The following SMCHD1 variants were observed in gnomAD, a reference collection of about 807,000 sequenced individuals.
SMCHD1 encodes structural maintenance of chromosomes flexible hinge domain-containing protein 1.
In SMCHD1, 78 loss-of-function variants were observed where a neutral mutation model predicts 254.7. The observed-to-expected ratio is 0.31, with a 90% CI of 0.26 to 0.37. SMCHD1 has a LOEUF of 0.37. Among genes scored for constraint, SMCHD1 ranks in the 10% least tolerant of loss-of-function variants. SMCHD1 has a pLI of 1.00. For missense variants in SMCHD1, 1,840 were observed against 2,408.1 expected, an observed-to-expected ratio of 0.76 and a Z score of 4.94; for synonymous variants, 766 against 794.9, an observed-to-expected ratio of 0.96 and a Z score of 0.61.
At chr18:2,731,610 G>A (rs2075141646) in intron 24 of SMCHD1, among the ~76,000 whole-genome samples, 1 of 152,052 alleles carries the variant, frequency 6.6e-6, no homozygotes, top group African/African-American at 2.4e-5. Context: ...CTGATTTTAT[G>A]GAAAGTTCTT....
chr18:2,680,722 C>T (rs1568123719), intron 5 of SMCHD1, among the ~76,000 whole-genome samples: 1 of 152,226 alleles, frequency 6.6e-6, no homozygotes, highest in Non-Finnish European at 1.5e-5. Flanking sequence ...GCAGACCTCG[C>T]ATTTCCCAGC....
In SMCHD1 at chr18:2,662,667, CAAAAAA is replaced by C. The variant is rs745838636; in HGVS notation, c.187-3472_187-3467del. Among the ~76,000 whole-genome samples the C allele has an allele frequency of 5.4e-3, 193 of 35,688 alleles. 1 individual carries two copies. The highest frequency in any genetic ancestry group is 0.022 in the African/African-American group (179 of 8,138). The allele number at this position is 35,688 out of a possible 152,430, so 23.4% of individuals were successfully genotyped here. On this transcript the variant is annotated intron_variant, in intron 1 of 47. Coordinates refer to ENST00000320876, the MANE Select transcript of SMCHD1 (RefSeq NM_015295.3). ...CTCAACAACAATAACAACAAAAAAC[CAAAAAA>C]AAAAAAAAAAAAAAAAAGGGACATC...
At chr18:2,726,589 G>T in intron 22 of SMCHD1, 65 bp downstream of exon 22, 1 of 789,990 alleles carries the variant, frequency 1.3e-6, no homozygotes. Context: ...ATAATGATAT[G>T]AAGTTAGAGG....
At chr18:2,673,946 G>A in intron 4 of SMCHD1, 69 bp from the exon 5 acceptor site, 3 of 1,443,796 alleles carry the variant, frequency 2.1e-6, no homozygotes, top group Non-Finnish European at 2.8e-6. Flanking sequence ...TTTTTTTCAT[G>A]TTTAACTTTT....
chr18:2,774,100 G>A (rs1342963563), intron 41 of SMCHD1, among the ~76,000 whole-genome samples: 1 of 151,988 alleles, frequency 6.6e-6, no homozygotes, highest in African/African-American at 2.4e-5. Context: ...ATCTCTAAAT[G>A]AGGAAGATGT....
intron 25 of SMCHD1, 44 bp from the exon 26 acceptor site, chr18:2,738,353 T>TTAGA (rs2075288615): frequency 8.4e-6 from 9 of 1,069,862 alleles, no homozygotes; most frequent in Non-Finnish European, 1.1e-5. Flanking sequence ...TAAGAGAACA[T>TTAGA]TAGACGAAGC....
chr18:2,732,513 G>C (rs1374103236), intron 25 of SMCHD1, 21 bp downstream of exon 25: 3 of 1,463,504 alleles, frequency 2.0e-6, no homozygotes, highest in African/African-American at 1.4e-5. Flanking sequence ...CTAACAGATT[G>C]GTTATTTGTA....
chr18:2,723,288 T>A (rs1227410869), intron 20 of SMCHD1, among the ~76,000 whole-genome samples: 1 of 152,168 alleles, frequency 6.6e-6, no homozygotes, highest in Non-Finnish European at 1.5e-5. Flanking sequence ...AGCTTTCTTT[T>A]ACCTCTACAG....
At chr18:2,728,384 T>C in intron 22 of SMCHD1, 73 bp from the exon 23 acceptor site, 1 of 1,398,366 alleles carries the variant, frequency 7.2e-7, no homozygotes. Context: ...ATGTTAAAGT[T>C]ATTTCTTTTG....
At chr18:2,780,238 TAAAAAAAAAAAAAAAAA>T (rs56804553) in intron 44 of SMCHD1, among the ~76,000 whole-genome samples, 36 of 69,362 alleles carry the variant, frequency 5.2e-4, no homozygotes, top group African/African-American at 2.3e-3. Context: ...AGACTCTATC[TAAAAAAAAAAAAAAAAA>T]AAAAAAAAAA....
intron 45 of SMCHD1, among the ~76,000 whole-genome samples, chr18:2,785,670 A>AAAG (rs57180698): frequency 0.12 from 11,348 of 97,294 alleles, 2,594 homozygotes; most frequent in East Asian, 0.38. Flanking sequence ...AAAAAAAAAA[A>AAAG]ACAGTTCATT....
chr18:2,753,846 C>A (rs566145835), intron 34 of SMCHD1, among the ~76,000 whole-genome samples: 1 of 152,118 alleles, frequency 6.6e-6, no homozygotes, highest in Admixed American at 6.5e-5. Context: ...CATGAGCCAC[C>A]GTGCCCGGCC....
At chr18:2,674,328 T>G (rs2073691472) in intron 5 of SMCHD1, among the ~76,000 whole-genome samples, 183 bp downstream of exon 5, 1 of 152,212 alleles carries the variant, frequency 6.6e-6, no homozygotes, top group African/African-American at 2.4e-5. Context: ...TGTAATATTG[T>G]GCCTTTCCAT....
intron 1 of SMCHD1, among the ~76,000 whole-genome samples, chr18:2,661,835 G>A (rs992229069): frequency 2.0e-5 from 3 of 152,262 alleles, no homozygotes; most frequent in African/African-American, 4.8e-5. Context: ...TGCAGTTATC[G>A]TAGAAGAGTA....
At chr18:2,697,182 A>G (rs1360153886) in intron 9 of SMCHD1, 60 bp downstream of exon 9, 4 of 820,172 alleles carry the variant, frequency 4.9e-6, no homozygotes, top group Non-Finnish European at 7.5e-6. Context: ...CCAGTTCCAA[A>G]TGACTCAGGA....
rs143980736 is a variant in SMCHD1 at position 2,767,680 on chromosome 18, C to T, written c.4720-2014C>T. On this transcript the variant is annotated intron_variant, in intron 37 of 47. Coordinates refer to ENST00000320876, the MANE Select transcript of SMCHD1 (RefSeq NM_015295.3). ...TCTTGGCTCAGTGCAACCTCCGCCTCCTGGGTTCAAACAATCCTCCCACCT... is the reference window on the plus strand; with the variant it reads ...TCTTGGCTCAGTGCAACCTCCGCCTTCTGGGTTCAAACAATCCTCCCACCT... 5.3e-3 allele frequency among the ~76,000 whole-genome samples: 799 copies of T among 149,608 alleles called. 4 individuals carry two copies. The highest frequency in any genetic ancestry group is 0.046 in the Middle Eastern group (13 of 284).
intron 40 of SMCHD1, 72 bp from the exon 41 acceptor site, chr18:2,772,178 T>C: frequency 1.6e-6 from 2 of 1,259,372 alleles, no homozygotes; most frequent in Non-Finnish European, 2.0e-6. Context: ...TTAATTTTTC[T>C]CCACTGTCAT....
intron 44 of SMCHD1, chr18:2,779,113 T>TG (rs1330466244): frequency 6.6e-6 from 1 of 152,248 alleles, no homozygotes; most frequent in East Asian, 1.9e-4. Context: ...ATAGCACCTT[T>TG]GCAGGGGAGT....
rs62084217 is a variant in SMCHD1 at position 2,705,617 on chromosome 18, A to G, written c.1843-77A>G. ...TTTCTTTGTAATAAAGAAGTTCTGTAAAATTATTATTAAGCCTTTTTCTCT... is the reference window on the plus strand; with the variant it reads ...TTTCTTTGTAATAAAGAAGTTCTGTGAAATTATTATTAAGCCTTTTTCTCT... On this transcript the variant is annotated intron_variant, in intron 13 of 47. Coordinates refer to ENST00000320876, the MANE Select transcript of SMCHD1 (RefSeq NM_015295.3). The G allele has an allele frequency of 0.19, 114,117 of 591,446 alleles. 11,965 individuals carry two copies. Among genetic ancestry groups the G allele is most frequent in the Admixed American group, 0.26 (7,047 of 26,718 alleles). The allele number at this position is 591,446 out of a possible 1,614,324, so 36.6% of individuals were successfully genotyped here.
Sources: gnomAD v4.1 joint callset for allele counts (sites outside exome capture counted in the v4.1 genomes callset) on GRCh38, gnomAD v4.1.1 for gene constraint, MANE v1.5 for transcripts, NCBI Gene and HGNC (gene_info 2026-07-23, HGNC 2026-07-21) for gene names.